PRKG1: variants seen among roughly 807,000 people sequenced by gnomAD.
The protein encoded by PRKG1 is protein kinase cGMP-dependent 1.
A neutral mutation model predicts 88.1 loss-of-function variants in PRKG1; 35 were observed. The observed-to-expected ratio is 0.40, with a 90% CI of 0.30 to 0.53. PRKG1 has a LOEUF of 0.53. Among genes scored for constraint, PRKG1 ranks in the 20% least tolerant of loss-of-function variants. PRKG1 has a pLI of 0.59. For missense variants in PRKG1, 540 were observed against 839.8 expected (o/e 0.64, Z 4.41); for synonymous variants, 303 against 292.5 (o/e 1.04, Z -0.37).
At chr10:51,111,861 A>AT (rs1402907672) in intron 1 of PRKG1, among the ~76,000 whole-genome samples, 1 of 152,138 alleles carries the variant, frequency 6.6e-6, no homozygotes, top group Non-Finnish European at 1.5e-5. Flanking sequence ...ATAGTTCTTT[A>AT]TTTTCTCCTG....
At chr10:52,215,853 T>A (rs1274535437) in intron 9 of PRKG1, among the ~76,000 whole-genome samples, 1 of 152,194 alleles carries the variant, frequency 6.6e-6, no homozygotes, top group Non-Finnish European at 1.5e-5. Context: ...CATATCTAAT[T>A]GAATATCTTA....
At chr10:52,245,556 T>G (rs562538563) in intron 9 of PRKG1, among the ~76,000 whole-genome samples, 15 of 152,006 alleles carry the variant, frequency 9.9e-5, no homozygotes, top group Non-Finnish European at 2.2e-4. Flanking sequence ...CCTACTACAG[T>G]TATGGAATAA....
chr10:51,134,346 G>A (rs995719836), intron 1 of PRKG1, among the ~76,000 whole-genome samples: 1 of 152,092 alleles, frequency 6.6e-6, no homozygotes, highest in East Asian at 1.9e-4. Flanking sequence ...AATTAACTCT[G>A]CTTTCATTAG....
chr10:51,066,160 T>C (rs1161222656), intron 1 of PRKG1, among the ~76,000 whole-genome samples: 1 of 152,096 alleles, frequency 6.6e-6, no homozygotes, highest in Admixed American at 6.6e-5. Context: ...CTTAAAGAAC[T>C]AAAGGATCAC....
intron 9 of PRKG1, among the ~76,000 whole-genome samples, chr10:52,173,053 T>C (rs1005092913): frequency 2.3e-4 from 35 of 152,352 alleles, no homozygotes; most frequent in African/African-American, 7.9e-4. Context: ...ATAGAAACAA[T>C]ATTTTTGTCT....
chr10:51,699,524 G>C, intron 3 of PRKG1: 1 of 1,611,674 alleles, frequency 6.2e-7, no homozygotes, highest in South Asian at 1.1e-5. Flanking sequence ...ATCCATTGCC[G>C]GGTCTCTCAC....
At chr10:51,162,511 A>T (rs1318170434) in intron 2 of PRKG1, among the ~76,000 whole-genome samples, 1 of 152,242 alleles carries the variant, frequency 6.6e-6, no homozygotes, top group African/African-American at 2.4e-5. Flanking sequence ...AAATGGTATT[A>T]AAATCAATCT....
intron 3 of PRKG1, among the ~76,000 whole-genome samples, chr10:51,668,231 C>A (rs774402665): frequency 2.2e-4 from 33 of 152,162 alleles, no homozygotes; most frequent in Non-Finnish European, 3.5e-4. Flanking sequence ...AATTGGCATT[C>A]TGTCTTCTGA....
chr10:51,837,967 A>G (rs1214793235), intron 4 of PRKG1, among the ~76,000 whole-genome samples: 2 of 152,186 alleles, frequency 1.3e-5, no homozygotes, highest in Admixed American at 6.5e-5. Flanking sequence ...TTCGTCAAGG[A>G]TGAGTCTCAC....
chr10:52,265,780 A>G (rs2132423058), intron 10 of PRKG1, among the ~76,000 whole-genome samples: 1 of 152,208 alleles, frequency 6.6e-6, no homozygotes, highest in Non-Finnish European at 1.5e-5. Context: ...ATAGTTAAGA[A>G]CTTGTCAAAA....
chr10:51,763,064 A>G (rs1208449032), intron 3 of PRKG1, among the ~76,000 whole-genome samples: 1 of 152,152 alleles, frequency 6.6e-6, no homozygotes, highest in Non-Finnish European at 1.5e-5. Flanking sequence ...TCTCGAATCC[A>G]TCTTTATTTA....
intron 2 of PRKG1, among the ~76,000 whole-genome samples, chr10:51,463,296 T>C (rs527994598): frequency 6.6e-5 from 10 of 152,308 alleles, no homozygotes; most frequent in East Asian, 1.9e-4. Context: ...CTGTAATATA[T>C]AAAAACCTCC....
At chr10:52,229,294 C>G (rs1036948721) in intron 9 of PRKG1, among the ~76,000 whole-genome samples, 12 of 152,196 alleles carry the variant, frequency 7.9e-5, no homozygotes, top group Non-Finnish European at 1.6e-4. Flanking sequence ...TGAGATTTAG[C>G]TTTCCCCTTC....
At chr10:51,015,359 A>G (rs1843044761) in intron 1 of PRKG1, among the ~76,000 whole-genome samples, 1 of 152,220 alleles carries the variant, frequency 6.6e-6, no homozygotes, top group South Asian at 2.1e-4. Flanking sequence ...ACTGTTGTAT[A>G]TCAAACGTTA....
intron 2 of PRKG1, among the ~76,000 whole-genome samples, chr10:51,333,550 A>G (rs1285411842): frequency 6.6e-6 from 1 of 152,330 alleles, no homozygotes; most frequent in Non-Finnish European, 1.5e-5. Context: ...AGCTTAGCAC[A>G]TGTTGACTGT....
chr10:52,085,431 C>T (rs1310053189), intron 7 of PRKG1, among the ~76,000 whole-genome samples: 1 of 152,126 alleles, frequency 6.6e-6, no homozygotes, highest in Non-Finnish European at 1.5e-5. Context: ...TGGTGGATTA[C>T]TATTGTGTTC....
Position 51,458,432 on chromosome 10 carries a change from CTT to C in PRKG1, c.479-9280_479-9279del, listed in dbSNP as rs10707987. 6.3e-3 allele frequency among the ~76,000 whole-genome samples: 937 copies of C among 148,122 alleles called. 10 individuals carry two copies. The highest frequency in any genetic ancestry group is 0.021 in the African/African-American group (840 of 40,756). On this transcript the variant is annotated intron_variant, in intron 2 of 17. Coordinates refer to ENST00000373980, the MANE Select transcript of PRKG1 (RefSeq NM_006258.4). ...ATTCATCAATGAGTATTTAATAACC[CTT>C]TTTTTTTTTTACAACCAGATATGGT...
chr10:51,742,831 A>G (rs565951464), intron 3 of PRKG1, among the ~76,000 whole-genome samples: 2 of 152,256 alleles, frequency 1.3e-5, no homozygotes, highest in South Asian at 2.1e-4. Context: ...AAAGCACAGA[A>G]TGAGGAATCT....
intron 1 of PRKG1, among the ~76,000 whole-genome samples, chr10:51,110,186 C>T (rs567670318): frequency 1.1e-3 from 160 of 152,094 alleles, no homozygotes; most frequent in African/African-American, 3.8e-3. Context: ...TGAGATCCAC[C>T]GATTCCACCC....
Sources: allele counts gnomAD v4.1 joint callset (sites outside exome capture counted in the v4.1 genomes callset), GRCh38; gene constraint gnomAD v4.1.1; transcripts MANE v1.5; gene names NCBI Gene and HGNC (gene_info 2026-07-23, HGNC 2026-07-21).